The following DNAH14 variants were observed in gnomAD, a reference collection of about 807,000 sequenced individuals.
DNAH14 encodes the protein axonemal beta dynein heavy chain 14.
DNAH14 carries 478 observed loss-of-function variants against 520.9 expected under a neutral mutation model. The observed-to-expected ratio is 0.92, with a 90% CI of 0.85 to 0.99. The LOEUF is 0.99. Ranked by LOEUF, DNAH14 falls within the 50% of genes least tolerant of loss-of-function variation. The probability of loss-of-function intolerance (pLI) is 0.00; values close to 1 mark genes in which losing one functional copy is unlikely to be tolerated. For missense variants in DNAH14, 4,831 were observed against 5,234.5 expected (o/e 0.92, Z 2.38); for synonymous variants, 1,581 against 1,757.2 (o/e 0.90, Z 2.51).
intron 11 of DNAH14, among the ~76,000 whole-genome samples, chr1:225,030,525 C>G (rs942180266): frequency 1.3e-5 from 2 of 151,816 alleles, no homozygotes; most frequent in African/African-American, 4.8e-5. Context: ...GATATTATAT[C>G]TGTTATCCTT....
intron 54 of DNAH14, among the ~76,000 whole-genome samples, chr1:225,278,432 T>C (rs1253077861): frequency 6.6e-6 from 1 of 152,186 alleles, no homozygotes; most frequent in African/African-American, 2.4e-5. Flanking sequence ...GCCACCACGC[T>C]ATTTAAGCCA....
Position 225,333,486 on chromosome 1 carries a change from G to T in DNAH14, c.10060G>T (p.Val3354Phe), listed in dbSNP as rs561127276. 1.3e-6 allele frequency: 2 copies of T among 1,550,540 alleles called. No homozygotes were observed. Among genetic ancestry groups the T allele is most frequent in the East Asian group, 2.4e-5 (1 of 40,846 alleles). Residue 3354 changes from valine to phenylalanine, a missense_variant, in exon 66 of 86, where the codon GTT becomes TTT. By Grantham distance (50) the Val-to-Phe change is conservative (BLOSUM62 -1). Coordinates refer to ENST00000682510, the MANE Select transcript of DNAH14 (RefSeq NM_001367479.1). Reference protein sequence around the residue: ...SLSSKFSLIKVMAQKYEISRW... With the variant: ...SLSSKFSLIKFMAQKYEISRW... ...GTCTTCCAAATTCTCTTTAATTAAA[G>T]TTATGGCACAAAAATATGAGGTAAT...
chr1:225,131,136 T>C (rs999090828), intron 27 of DNAH14, among the ~76,000 whole-genome samples: 1 of 152,212 alleles, frequency 6.6e-6, no homozygotes, highest in Non-Finnish European at 1.5e-5. Flanking sequence ...TGAAAATCTT[T>C]ATAATTTTGA....
intron 36 of DNAH14, among the ~76,000 whole-genome samples, chr1:225,184,020 A>G (rs1027636676): frequency 2.6e-5 from 4 of 152,176 alleles, no homozygotes; most frequent in African/African-American, 4.8e-5. Context: ...ACCAATGGTA[A>G]TCAAATTATT....
At chr1:225,022,086 T>A (rs1417606658) in intron 10 of DNAH14, among the ~76,000 whole-genome samples, 2 of 152,186 alleles carry the variant, frequency 1.3e-5, no homozygotes, top group Non-Finnish European at 2.9e-5. Context: ...CCTGTCACTA[T>A]ATACAAAAAT....
intron 66 of DNAH14, among the ~76,000 whole-genome samples, chr1:225,335,157 G>A (rs201487383): frequency 8.8e-5 from 13 of 147,094 alleles, no homozygotes; most frequent in East Asian, 2.2e-4. Context: ...GTACATGTGT[G>A]CATGTGTGCA....
rs765996407 is a variant in DNAH14 at position 225,192,876 on chromosome 1, C to T, written c.5851C>T (p.Leu1951Phe). ...AAAGAACACAAAGAAAGACATTGAT[C>T]TCAGACTAAAGTCAAGAATCTCAGA... ...TPKNTKKDID[L>F]RLKSRISDLS... The change falls in exon 38 of 86, where the codon CTC becomes TTC. Residue 1951 changes from leucine to phenylalanine, a missense_variant. Physicochemically the swap from Leu to Phe is conservative, Grantham distance 22 (BLOSUM62 0). Coordinates refer to ENST00000682510, the MANE Select transcript of DNAH14 (RefSeq NM_001367479.1). 64 of 1,549,478 alleles carry T rather than the reference C, an allele frequency of 4.1e-5. 1 individual carries two copies. In the South Asian group the frequency reaches 6.8e-4, roughly 16 times the overall value.
chr1:225,335,973 A>ATACG (rs1354008460), intron 66 of DNAH14, among the ~76,000 whole-genome samples: 1 of 145,700 alleles, frequency 6.9e-6, no homozygotes, highest in Non-Finnish European at 1.5e-5. Context: ...ACATATATGT[A>ATACG]CATATGTGTA....
rs2094694722 is a variant in DNAH14, at chr1:225,327,259, G to A, written c.9723+2427G>A. ...TGCAAGCTCCGCCTCCCGGGTTCAC[G>A]CCATTCTCCTGCCTCAGCCTCCCGA... On this transcript the variant is annotated intron_variant, in intron 64 of 85. Coordinates refer to ENST00000682510, the MANE Select transcript of DNAH14 (RefSeq NM_001367479.1). Among the ~76,000 whole-genome samples, 3 of 151,756 alleles carry A rather than the reference G, an allele frequency of 2.0e-5. No homozygotes were observed. The South Asian group carries it at 6.2e-4, about 32-fold the overall frequency.
intron 53 of DNAH14, among the ~76,000 whole-genome samples, chr1:225,276,999 A>AAGGAAGGGAGGAAGGGAGGG (rs1558242346): frequency 2.4e-5 from 1 of 41,700 alleles, no homozygotes. Flanking sequence ...GGGAGGAAGG[A>AAGGAAGGGAGGAAGGGAGGG]AGGGAGGGAG....
chr1:225,079,672 CTTT>C (rs58242386), intron 18 of DNAH14, 124 bp downstream of exon 18: 711 of 325,488 alleles, frequency 2.2e-3, no homozygotes, highest in Admixed American at 4.7e-3. Context: ...TACAAGTATT[CTTT>C]TTTTTTTTTT....
At chr1:225,372,069 A>G (rs781100863) in intron 77 of DNAH14, among the ~76,000 whole-genome samples, 81 of 152,306 alleles carry the variant, frequency 5.3e-4, no homozygotes, top group Non-Finnish European at 1.1e-3. Flanking sequence ...TAATAAGTGG[A>G]GGTCCGATTC....
chr1:225,299,111 A>T (rs1574609669), intron 55 of DNAH14, among the ~76,000 whole-genome samples: 1 of 152,352 alleles, frequency 6.6e-6, no homozygotes, highest in East Asian at 1.9e-4. Context: ...ACTTCCAAGT[A>T]CTTCTAGCCA....
intron 23 of DNAH14, among the ~76,000 whole-genome samples, chr1:225,105,668 G>C (rs2075980890): frequency 6.6e-6 from 1 of 152,104 alleles, no homozygotes; most frequent in African/African-American, 2.4e-5. Flanking sequence ...TTTGATCTTT[G>C]TTGGTTTAAA....
In DNAH14 at chr1:225,204,274, G is replaced by T; in HGVS notation, c.5977+1G>T. 1 of 1,435,638 alleles carries T rather than the reference G, an allele frequency of 7.0e-7. No homozygotes were observed. 88.9% of individuals were successfully genotyped at this position (1,435,638 alleles called of 1,614,324 possible). On this transcript the variant is annotated splice_donor_variant, in intron 39 of 85. Coordinates refer to ENST00000682510, the MANE Select transcript of DNAH14 (RefSeq NM_001367479.1). LOFTEE classifies it high-confidence loss of function. The stretch of plus-strand genomic sequence containing the variant: ...GTTGTTAAAATTCCAGAAAATCACA[G>T]TAAGTGTTACTAAATTCAAGAAAGA...
At chr1:225,394,688 C>CA (rs1481968718) in intron 84 of DNAH14, among the ~76,000 whole-genome samples, 2 of 151,992 alleles carry the variant, frequency 1.3e-5, no homozygotes, top group Non-Finnish European at 2.9e-5. Flanking sequence ...ACTAAAAATA[C>CA]AAAAAATTAG....
intron 12 of DNAH14, among the ~76,000 whole-genome samples, chr1:225,039,584 A>G (rs1270312041): frequency 8.4e-6 from 1 of 118,504 alleles, no homozygotes; most frequent in Non-Finnish European, 1.6e-5. Context: ...CTTTAGTATG[A>G]AAAAAAAAAA....
intron 77 of DNAH14, among the ~76,000 whole-genome samples, chr1:225,370,506 T>C (rs2406107): frequency 0.73 from 111,518 of 151,878 alleles, 43,543 homozygotes; most frequent in East Asian, 0.96. Flanking sequence ...GGTGACAGAG[T>C]GACACCCTGT....
intron 36 of DNAH14, among the ~76,000 whole-genome samples, chr1:225,175,763 G>A (rs1333562784): frequency 6.9e-6 from 1 of 144,192 alleles, no homozygotes; most frequent in Non-Finnish European, 1.5e-5. Context: ...GAGTGCACTG[G>A]TGCGATCTCA....
Sources: gnomAD v4.1 joint callset for allele counts (sites outside exome capture counted in the v4.1 genomes callset) on GRCh38, gnomAD v4.1.1 for gene constraint, MANE v1.5 for transcripts, NCBI Gene and HGNC (gene_info 2026-07-23, HGNC 2026-07-21) for gene names.